The following LRRTM4 variants were observed in gnomAD, a reference collection of about 807,000 sequenced individuals.
LRRTM4 encodes the protein leucine rich repeat transmembrane neuronal 4, also known as leucine-rich repeat transmembrane neuronal protein 4.
A neutral mutation model predicts 47.6 loss-of-function variants in LRRTM4; 25 were observed. The ratio of observed to expected loss-of-function variants is 0.53; its 90% CI spans 0.38 to 0.73. LRRTM4 has a LOEUF of 0.73. Among genes scored for constraint, LRRTM4 ranks in the 30% least tolerant of loss-of-function variants. The pLI is 0.00. For missense variants in LRRTM4, 638 were observed against 713.4 expected (o/e 0.89, Z 1.20); for synonymous variants, 311 against 269.5 (o/e 1.15, Z -1.51).
At chr2:76,873,820 T>A (rs537231666) in intron 3 of LRRTM4, among the ~76,000 whole-genome samples, 1 of 151,790 alleles carries the variant, frequency 6.6e-6, no homozygotes, top group Non-Finnish European at 1.5e-5. Context: ...GATGCTAATG[T>A]ACTTAAACAC....
chr2:77,498,563 C>T (rs1293364346), intron 3 of LRRTM4, among the ~76,000 whole-genome samples: 1 of 151,842 alleles, frequency 6.6e-6, no homozygotes, highest in African/African-American at 2.4e-5. Context: ...CCTAAGTTCA[C>T]TGATGCCTAA....
chr2:76,830,430 G>C (rs538321374), intron 3 of LRRTM4, among the ~76,000 whole-genome samples: 1 of 151,592 alleles, frequency 6.6e-6, no homozygotes, highest in East Asian at 1.9e-4. Context: ...CTGTGAAGTA[G>C]TGGAAGAATA....
rs117584663 is a variant in LRRTM4, at chr2:77,388,789, G to T, written c.1551+129529C>A. On this transcript the variant is annotated intron_variant, in intron 3 of 3. Coordinates refer to ENST00000409884, the MANE Select transcript of LRRTM4 (RefSeq NM_001134745.3). ...ATTGTCATTCACTGAAATATATATA[G>T]AGAGAGATATATAGATAAAAAATCT... Among the ~76,000 whole-genome samples the T allele has an allele frequency of 3.9e-3, 591 of 151,992 alleles. 19 individuals are homozygous for T. The East Asian group carries it at 0.05, about 13-fold the overall frequency.
chr2:77,126,220 C>T (rs1313435740), intron 3 of LRRTM4, among the ~76,000 whole-genome samples: 1 of 151,742 alleles, frequency 6.6e-6, no homozygotes, highest in East Asian at 1.9e-4. Flanking sequence ...TTATTTAAAA[C>T]TTGATGACAT....
chr2:76,885,011 G>A (rs1263843764), intron 3 of LRRTM4, among the ~76,000 whole-genome samples: 1 of 151,848 alleles, frequency 6.6e-6, no homozygotes, highest in Admixed American at 6.6e-5. Flanking sequence ...TATATGTATG[G>A]TATAATCATA....
intron 3 of LRRTM4, among the ~76,000 whole-genome samples, chr2:76,875,727 T>A (rs1448292277): frequency 2.0e-5 from 3 of 152,180 alleles, no homozygotes; most frequent in Non-Finnish European, 1.5e-5. Flanking sequence ...ATTCTTAATA[T>A]AGAAAAGTTT....
intron 3 of LRRTM4, among the ~76,000 whole-genome samples, chr2:76,756,777 T>C (rs190851151): frequency 6.6e-6 from 1 of 152,032 alleles, no homozygotes; most frequent in African/African-American, 2.4e-5. Context: ...TAGAGAAAAA[T>C]CTGCAGAAAT....
intron 3 of LRRTM4, among the ~76,000 whole-genome samples, chr2:77,311,046 T>TTA (rs1188545039): frequency 6.6e-6 from 1 of 150,670 alleles, no homozygotes; most frequent in African/African-American, 2.5e-5. Context: ...TGAGAGATAT[T>TTA]TATATACACA....
At chr2:77,250,169 A>G (rs1675564698) in intron 3 of LRRTM4, among the ~76,000 whole-genome samples, 1 of 152,158 alleles carries the variant, frequency 6.6e-6, no homozygotes, top group Non-Finnish European at 1.5e-5. Context: ...GTTAGAAGGG[A>G]GGGAGGTATA....
intron 3 of LRRTM4, among the ~76,000 whole-genome samples, chr2:77,505,166 A>C (rs966440842): frequency 7.9e-5 from 12 of 151,310 alleles, no homozygotes; most frequent in African/African-American, 2.9e-4. Flanking sequence ...ATGAAAGAAC[A>C]ACCATAATTT....
chr2:76,815,903 T>C (rs893256664), intron 3 of LRRTM4, among the ~76,000 whole-genome samples: 2 of 152,258 alleles, frequency 1.3e-5, no homozygotes, highest in Admixed American at 6.6e-5. Context: ...TAAAACTTTC[T>C]GAAATTGATT....
chr2:76,966,290 G>A (rs765425997), intron 3 of LRRTM4, among the ~76,000 whole-genome samples: 27 of 151,414 alleles, frequency 1.8e-4, no homozygotes, highest in Non-Finnish European at 3.4e-4. Flanking sequence ...GGAGGTAGAG[G>A]AGAAGAATGG....
chr2:77,313,970 G>A (rs1161953319), intron 3 of LRRTM4, among the ~76,000 whole-genome samples: 1 of 152,026 alleles, frequency 6.6e-6, no homozygotes, highest in Non-Finnish European at 1.5e-5. Flanking sequence ...CGTTGCAATG[G>A]GAATCATTAT....
intron 3 of LRRTM4, among the ~76,000 whole-genome samples, chr2:76,765,223 G>A (rs555679769): frequency 6.6e-6 from 1 of 152,122 alleles, no homozygotes; most frequent in Non-Finnish European, 1.5e-5. Flanking sequence ...TTGGAAGCAC[G>A]TAATTTGTGT....
chr2:77,383,599 G>A (rs1345000544), intron 3 of LRRTM4, among the ~76,000 whole-genome samples: 1 of 152,004 alleles, frequency 6.6e-6, no homozygotes, highest in African/African-American at 2.4e-5. Flanking sequence ...ATTATTAAGT[G>A]CTTATGGATG....
chr2:77,401,757 A>G (rs1673966817), intron 3 of LRRTM4, among the ~76,000 whole-genome samples: 1 of 151,968 alleles, frequency 6.6e-6, no homozygotes, highest in Non-Finnish European at 1.5e-5. Flanking sequence ...TAAATAAATT[A>G]TATATTTTTG....
At chr2:77,077,364 G>T (rs1440397567) in intron 3 of LRRTM4, among the ~76,000 whole-genome samples, 1 of 152,086 alleles carries the variant, frequency 6.6e-6, no homozygotes, top group Admixed American at 6.5e-5. Flanking sequence ...CCCAGTCTAG[G>T]AACATGGTAA....
At chr2:77,137,717 AT>A (rs1421317903) in intron 3 of LRRTM4, among the ~76,000 whole-genome samples, 1 of 152,190 alleles carries the variant, frequency 6.6e-6, no homozygotes, top group Non-Finnish European at 1.5e-5. Flanking sequence ...AGTGTGCTGT[AT>A]TCAGGAGACC....
chr2:77,063,249 C>A (rs562924916), intron 3 of LRRTM4, among the ~76,000 whole-genome samples: 1 of 152,126 alleles, frequency 6.6e-6, no homozygotes, highest in Non-Finnish European at 1.5e-5. Flanking sequence ...TGAGCCACTG[C>A]GCCCGGCCTC....
Sources: gnomAD v4.1 joint callset for allele counts (sites outside exome capture counted in the v4.1 genomes callset) on GRCh38, gnomAD v4.1.1 for gene constraint, MANE v1.5 for transcripts, NCBI Gene and HGNC (gene_info 2026-07-23, HGNC 2026-07-21) for gene names.